Variants in KITLG observed in about 807,000 individuals in gnomAD.
KITLG encodes the protein c-Kit ligand.
KITLG carries 13 observed loss-of-function variants against 34.1 expected under a neutral mutation model. The observed-to-expected ratio is 0.38, with a 90% CI of 0.25 to 0.61. The LOEUF (loss-of-function observed/expected upper bound fraction) is 0.61, where lower values mean the gene tolerates loss of function less well. KITLG is among the 20% of genes least tolerant of loss of function. The pLI, the probability that KITLG is intolerant of heterozygous loss-of-function variation, is 0.60. For missense variants in KITLG, 292 were observed against 318.9 expected (o/e 0.92, Z 0.64); for synonymous variants, 110 against 104.0 (o/e 1.06, Z -0.35).
At chr12:88,565,004 C>T (rs544231200) in intron 1 of KITLG, among the ~76,000 whole-genome samples, 32 of 152,292 alleles carry the variant, frequency 2.1e-4, no homozygotes, top group Admixed American at 1.4e-3. Flanking sequence ...TCTTCCTCCA[C>T]GCTTAATCTC....
chr12:88,505,569 A>T (rs1869026611), intron 8 of KITLG, among the ~76,000 whole-genome samples: 1 of 152,186 alleles, frequency 6.6e-6, no homozygotes, highest in Non-Finnish European at 1.5e-5. Flanking sequence ...AATCAAAGGT[A>T]AGGGAACATA....
At chr12:88,553,094 A>G (rs1466691) in intron 1 of KITLG, among the ~76,000 whole-genome samples, 113,072 of 151,110 alleles carry the variant, frequency 0.75, 46,126 homozygotes, top group Middle Eastern at 0.93. Flanking sequence ...GATCTCCCAT[A>G]TACAAAGAGT....
At chr12:88,561,954 TCACA>T (rs2120956746) in intron 1 of KITLG, among the ~76,000 whole-genome samples, 1 of 82 alleles carries the variant, frequency 0.012, no homozygotes, top group African/African-American at 0.071. Context: ...GCACCTCTTA[TCACA>T]TCACATCACA....
chr12:88,533,560 T>A (rs1870185616), intron 2 of KITLG, among the ~76,000 whole-genome samples: 1 of 152,158 alleles, frequency 6.6e-6, no homozygotes, highest in African/African-American at 2.4e-5. Flanking sequence ...AATTCCCAGA[T>A]GAATAATTTA....
In KITLG at chr12:88,579,751, T is replaced by C. The variant is rs1035789889; in HGVS notation, c.15+513A>G. ...CCCGCCGAGAGCTGCCGCTTAGGAG[T>C]TCCGCGTTGGCTTCGCTCCCGCGGC... On this transcript the variant is annotated intron_variant, in intron 1 of 9. Transcript: ENST00000644744. Among the ~76,000 whole-genome samples, 23 of 149,914 alleles carry C rather than the reference T, an allele frequency of 1.5e-4. 1 individual carries two copies. The highest frequency in any genetic ancestry group is 6.8e-3 in the Middle Eastern group (2 of 292).
At chr12:88,568,404 C>A (rs1871524406) in intron 1 of KITLG, among the ~76,000 whole-genome samples, 1 of 152,080 alleles carries the variant, frequency 6.6e-6, no homozygotes, top group South Asian at 2.1e-4. Flanking sequence ...AAGCAATCCT[C>A]CTGCCTCTGT....
intron 2 of KITLG, among the ~76,000 whole-genome samples, chr12:88,544,580 C>A (rs963012588): frequency 6.6e-6 from 1 of 151,886 alleles, no homozygotes; most frequent in Admixed American, 6.6e-5. Context: ...ATATAGCAGA[C>A]AACTCTTGCA....
intron 6 of KITLG, among the ~76,000 whole-genome samples, chr12:88,511,448 C>G (rs962411449): frequency 6.6e-6 from 1 of 152,144 alleles, no homozygotes; most frequent in African/African-American, 2.4e-5. Flanking sequence ...AGAGTTCAAA[C>G]AAGGACCAAT....
chr12:88,568,084 G>T (rs1425196735), intron 1 of KITLG, among the ~76,000 whole-genome samples: 1 of 85,710 alleles, frequency 1.2e-5, no homozygotes, highest in Non-Finnish European at 2.2e-5. Context: ...ATAGTATGTA[G>T]AGCACTGCTC....
At position 88,560,900 on chromosome 12, in the gene KITLG, G is replaced by A. The variant is rs931728084; in HGVS notation, c.16-15035C>T. Among the ~76,000 whole-genome samples, 6 of 150,096 alleles carry A rather than the reference G, an allele frequency of 4.0e-5. No homozygotes were observed. In the East Asian group the frequency reaches 5.9e-4, roughly 15 times the overall value. On this transcript the variant is annotated intron_variant, in intron 1 of 9. Coordinates refer to ENST00000644744, the MANE Select transcript of KITLG (RefSeq NM_000899.5). ...GGAGAATCGCTTGAACCTGGGAGGC[G>A]GAGGTTGCGGTGAGCCGAGATCGCA...
intron 1 of KITLG, among the ~76,000 whole-genome samples, chr12:88,550,731 C>A (rs544218228): frequency 2.2e-4 from 33 of 152,288 alleles, no homozygotes; most frequent in Non-Finnish European, 4.4e-4. Flanking sequence ...TCCTGCAAAT[C>A]TGTTAGATGG....
intron 3 of KITLG, among the ~76,000 whole-genome samples, chr12:88,526,750 A>G (rs1489155007): frequency 1.3e-5 from 2 of 152,168 alleles, no homozygotes; most frequent in Non-Finnish European, 2.9e-5. Context: ...AGAACCAATC[A>G]GGATTCCAGG....
intron 6 of KITLG, among the ~76,000 whole-genome samples, chr12:88,514,380 T>C (rs1020133154): frequency 2.0e-5 from 3 of 151,530 alleles, no homozygotes; most frequent in African/African-American, 2.4e-5. Flanking sequence ...CCTTTGAAAA[T>C]GTTAATAAAA....
Position 88,494,463 on chromosome 12 carries a change from C to T in KITLG, c.*2756G>A, listed in dbSNP as rs926922572. The T allele has an allele frequency of 4.6e-5, 7 of 152,354 alleles. No individual in the cohort carries two copies. The highest frequency in any genetic ancestry group is 1.7e-4 in the African/African-American group (7 of 41,486). The allele number at this position is 152,354 out of a possible 1,614,324, so 9.4% of individuals were successfully genotyped here. A position where few individuals can be genotyped will look rare whatever the true frequency, so the allele number is the denominator to read the frequency against. On this transcript the variant is annotated 3_prime_UTR_variant, in exon 10 of 10. Coordinates refer to ENST00000644744, the MANE Select transcript of KITLG (RefSeq NM_000899.5). ...TAAAACCAATACTTCATTAGGTATG[C>T]ATATTTTTTCATAATTTTCTTTTCA... is the stretch of plus-strand genomic sequence containing the variant.
intron 2 of KITLG, among the ~76,000 whole-genome samples, chr12:88,544,512 A>T (rs866239243): frequency 0.016 from 397 of 25,434 alleles, 3 homozygotes; most frequent in Admixed American, 0.028. Context: ...GTATGTTTTT[A>T]AAAAAAAAAA....
At chr12:88,506,468 G>T in intron 7 of KITLG, 90 bp from the exon 8 acceptor site, 1 of 898,046 alleles carries the variant, frequency 1.1e-6, no homozygotes, top group Non-Finnish European at 1.9e-6. Context: ...TATCTTTTAT[G>T]GCAATAACTC....
At chr12:88,506,778 C>T (rs1019764650) in intron 7 of KITLG, among the ~76,000 whole-genome samples, 1 of 152,170 alleles carries the variant, frequency 6.6e-6, no homozygotes, top group Non-Finnish European at 1.5e-5. Context: ...TGATTTTCGT[C>T]AGATCTTCCT....
chr12:88,561,313 A>C (rs1176911061), intron 1 of KITLG, among the ~76,000 whole-genome samples: 1 of 152,196 alleles, frequency 6.6e-6, no homozygotes, highest in Admixed American at 6.5e-5. Flanking sequence ...TGTCTAGAAC[A>C]AGCATTCCTA....
At chr12:88,543,549 A>G (rs932358499) in intron 2 of KITLG, among the ~76,000 whole-genome samples, 4 of 152,072 alleles carry the variant, frequency 2.6e-5, no homozygotes, top group Admixed American at 6.6e-5. Context: ...AGTCTTTGCT[A>G]TTGTGAATAG....
Sources: gnomAD v4.1 joint callset for allele counts (sites outside exome capture counted in the v4.1 genomes callset) on GRCh38, gnomAD v4.1.1 for gene constraint, MANE v1.5 for transcripts, NCBI Gene and HGNC (gene_info 2026-07-23, HGNC 2026-07-21) for gene names.